The following SMARCC1 variants were observed in gnomAD, a reference collection of about 807,000 sequenced individuals.
SMARCC1 encodes the protein SWI/SNF complex subunit SMARCC1.
In SMARCC1, 43 loss-of-function variants were observed where a neutral mutation model predicts 147.4. The observed-to-expected ratio is 0.29, with a 90% confidence interval of 0.23 to 0.38. SMARCC1 has a LOEUF of 0.38. Among genes scored for constraint, SMARCC1 ranks in the 10% least tolerant of loss-of-function variants. The pLI, the probability that SMARCC1 is intolerant of heterozygous loss-of-function variation, is 1.00. For missense variants in SMARCC1, 1,119 were observed against 1,381.1 expected (o/e 0.81, Z 3.01); for synonymous variants, 495 against 484.4 (o/e 1.02, Z -0.29).
chr3:47,779,535 T>G (rs115137156), intron 1 of SMARCC1, among the ~76,000 whole-genome samples: 1,612 of 152,330 alleles, frequency 0.011, 23 homozygotes, highest in Admixed American at 0.021. Context: ...CTTTACAAAG[T>G]CCTGAGAAGT....
At position 47,663,672 on chromosome 3, in the gene SMARCC1, T is replaced by TTTTTA. The variant is rs1380426823; in HGVS notation, c.1900-1081_1900-1080insTAAAA. ...CCCTTTGAACCATCGAAGCCCCCAGTCATTGAGGGGCTTAGCCCCACTGTT... is the reference window on the plus strand; with the variant it reads ...CCCTTTGAACCATCGAAGCCCCCAGTTTTTACATTGAGGGGCTTAGCCCCACTGTT... On this transcript the variant is annotated intron_variant, in intron 19 of 27. Coordinates refer to ENST00000254480, the MANE Select transcript of SMARCC1 (RefSeq NM_003074.4). 2.7e-6 allele frequency: 4 copies of TTTTTA among 1,493,076 alleles called. No homozygotes were observed. The African/African-American group carries it at 5.5e-5, about 21-fold the overall frequency. 92.5% of individuals were successfully genotyped at this position (1,493,076 alleles called of 1,614,324 possible).
intron 2 of SMARCC1, among the ~76,000 whole-genome samples, chr3:47,763,342 C>A (rs1302081087): frequency 6.7e-6 from 1 of 148,512 alleles, no homozygotes; most frequent in Non-Finnish European, 1.5e-5. Flanking sequence ...GAGGACAAGG[C>A]AGGAGGATAG....
chr3:47,714,387 G>T (rs760361392), intron 8 of SMARCC1, 28 bp downstream of exon 8: 7 of 1,381,552 alleles, frequency 5.1e-6, no homozygotes, highest in Non-Finnish European at 6.1e-6. Flanking sequence ...AAAGATTATT[G>T]TAAGATTTTT....
chr3:47,644,998 T>C (rs1268728999), intron 21 of SMARCC1, among the ~76,000 whole-genome samples: 1 of 152,140 alleles, frequency 6.6e-6, no homozygotes, highest in Non-Finnish European at 1.5e-5. Flanking sequence ...CACCTTCCAA[T>C]AGCAATTAGT....
chr3:47,766,660 G>C (rs1456580634), intron 2 of SMARCC1, among the ~76,000 whole-genome samples: 2 of 152,184 alleles, frequency 1.3e-5, no homozygotes, highest in African/African-American at 2.4e-5. Context: ...TGGAGGGCTT[G>C]TGGGAAAATT....
intron 25 of SMARCC1, chr3:47,610,598 T>G (rs1276482852): frequency 4.2e-6 from 2 of 475,904 alleles, no homozygotes; most frequent in Non-Finnish European, 7.7e-6. Context: ...TACTGCTCTT[T>G]GGGCTCACTT....
intron 11 of SMARCC1, 124 bp downstream of exon 11, chr3:47,701,154 A>T: frequency 1.4e-6 from 1 of 694,770 alleles, no homozygotes; most frequent in South Asian, 2.5e-5. Context: ...TATCCATAAA[A>T]GGGACAATCT....
intron 5 of SMARCC1, among the ~76,000 whole-genome samples, chr3:47,732,592 TG>T (rs1345061076): frequency 5.3e-5 from 8 of 152,198 alleles, no homozygotes; most frequent in African/African-American, 1.9e-4. Flanking sequence ...TAGAGGCCAT[TG>T]TAGGGTTATT....
chr3:47,647,339 T>C (rs1302053434), intron 21 of SMARCC1, among the ~76,000 whole-genome samples: 2 of 152,216 alleles, frequency 1.3e-5, no homozygotes, highest in Admixed American at 6.5e-5. Context: ...TTATATGAGA[T>C]ATTCAATACG....
Position 47,706,394 on chromosome 3 carries a change from T to C in SMARCC1, c.1040+15A>G, listed in dbSNP as rs768213466. On this transcript the variant is annotated intron_variant, in intron 10 of 27. Coordinates refer to ENST00000254480, the MANE Select transcript of SMARCC1 (RefSeq NM_003074.4). ...GCCTGTTTTAATGCCCTTTGAATCA[T>C]GTAATAGTTCTTACCCTTTCTTCCC... is the stretch of plus-strand genomic sequence containing the variant. 4 of 1,534,610 alleles carry C rather than the reference T, an allele frequency of 2.6e-6. No homozygotes were observed. The highest frequency in any genetic ancestry group is 2.6e-6 in the Non-Finnish European group (3 of 1,145,704).
intron 21 of SMARCC1, among the ~76,000 whole-genome samples, chr3:47,652,121 C>A (rs1424201213): frequency 2.6e-5 from 4 of 152,168 alleles, no homozygotes; most frequent in Admixed American, 2.6e-4. Context: ...AGGTTTGCAC[C>A]ACCATGCTCA....
chr3:47,662,801 G>A (rs575668404), intron 19 of SMARCC1, among the ~76,000 whole-genome samples: 7 of 151,870 alleles, frequency 4.6e-5, no homozygotes, highest in East Asian at 2.0e-4. Context: ...GTCCAGGCAC[G>A]GTGGCTCACG....
intron 24 of SMARCC1, among the ~76,000 whole-genome samples, chr3:47,626,142 G>A (rs141889194): frequency 1.3e-3 from 202 of 151,924 alleles, no homozygotes; most frequent in Non-Finnish European, 1.9e-3. Context: ...GTGACAGAGC[G>A]AGGCCCCGTC....
At chr3:47,771,059 C>A (rs897555597) in intron 2 of SMARCC1, among the ~76,000 whole-genome samples, 1 of 152,022 alleles carries the variant, frequency 6.6e-6, no homozygotes, top group African/African-American at 2.4e-5. Flanking sequence ...CACAGGCACC[C>A]GCCACCACGC....
intron 12 of SMARCC1, among the ~76,000 whole-genome samples, chr3:47,691,954 G>A (rs2033795610): frequency 6.6e-6 from 1 of 152,092 alleles, no homozygotes; most frequent in Admixed American, 6.6e-5. Flanking sequence ...AACCAAGATC[G>A]TGCCACTGTA....
intron 1 of SMARCC1, among the ~76,000 whole-genome samples, chr3:47,776,500 A>G (rs2034976966): frequency 6.6e-6 from 1 of 152,118 alleles, no homozygotes; most frequent in African/African-American, 2.4e-5. Flanking sequence ...GCTACTCAGG[A>G]GGCTGAGGCA....
chr3:47,623,858 C>G (rs368147084), intron 24 of SMARCC1, among the ~76,000 whole-genome samples: 3 of 148,648 alleles, frequency 2.0e-5, no homozygotes, highest in East Asian at 4.0e-4. Context: ...TAGAACTCAG[C>G]TGGTTTGAAA....
chr3:47,682,654 A>C (rs1276237220), intron 14 of SMARCC1, among the ~76,000 whole-genome samples: 1 of 152,216 alleles, frequency 6.6e-6, no homozygotes, highest in Admixed American at 6.5e-5. Flanking sequence ...ATTTTAACAG[A>C]ACAACTCACT....
rs1171586853 is a variant in SMARCC1, at chr3:47,676,864, C to T, written c.1572-82G>A. 5 of 1,245,094 alleles carry T rather than the reference C, an allele frequency of 4.0e-6. No homozygotes were observed. In the Admixed American group the frequency reaches 1.0e-4, roughly 26 times the overall value. The allele number at this position is 1,245,094 out of a possible 1,614,324, so 77.1% of individuals were successfully genotyped here. ...CTATCATCATCATGCCATTAAAAAA[C>T]AGAAACAATAAAACCAGTAAATGTG... On this transcript the variant is annotated intron_variant, in intron 16 of 27. Transcript: ENST00000254480.
Sources: gnomAD v4.1 joint callset for allele counts (sites outside exome capture counted in the v4.1 genomes callset) on GRCh38, gnomAD v4.1.1 for gene constraint, MANE v1.5 for transcripts, NCBI Gene and HGNC (gene_info 2026-07-23, HGNC 2026-07-21) for gene names.